The following TTC39C variants were observed in gnomAD, a reference collection of about 807,000 sequenced individuals.
TTC39C encodes the protein tetratricopeptide repeat protein 39C.
In TTC39C, 33 loss-of-function variants were observed where a neutral mutation model predicts 76.3. That is an observed-to-expected ratio of 0.43 (90% CI 0.33 to 0.58). The LOEUF is 0.58. TTC39C is among the 20% of genes least tolerant of loss of function. The pLI is 0.04. For missense variants in TTC39C, 595 were observed against 701.4 expected (o/e 0.85, Z 1.71); for synonymous variants, 254 against 260.6 (o/e 0.97, Z 0.24).
At chr18:24,087,582 G>GTTTTTTTTTTTTTTTTTT (rs142766325) in intron 6 of TTC39C, among the ~76,000 whole-genome samples, 2 of 124,142 alleles carry the variant, frequency 1.6e-5, no homozygotes, top group African/African-American at 2.7e-5. Flanking sequence ...TTTGAGAACT[G>GTTTTTTTTTTTTTTTTTT]TTTTTTTTTT....
chr18:23,998,085 T>C (rs1255593801), intron 1 of TTC39C, among the ~76,000 whole-genome samples: 2 of 152,148 alleles, frequency 1.3e-5, no homozygotes, highest in Non-Finnish European at 2.9e-5. Flanking sequence ...CACTAATTAG[T>C]GCTAGGCTTT....
intron 6 of TTC39C, among the ~76,000 whole-genome samples, chr18:24,099,031 GTGTGTATA>G (rs1489008045): frequency 2.7e-5 from 4 of 146,686 alleles, no homozygotes; most frequent in Non-Finnish European, 6.0e-5. Context: ...GTGTGTGTGT[GTGTGTATA>G]TATATATCTA....
chr18:24,064,685 G>A (rs566747598), intron 2 of TTC39C, among the ~76,000 whole-genome samples: 259 of 152,174 alleles, frequency 1.7e-3, no homozygotes, highest in African/African-American at 6.0e-3. Flanking sequence ...TCGATTTTTC[G>A]GAAATAGTAA....
At chr18:24,039,644 T>G (rs1353532428) in intron 1 of TTC39C, among the ~76,000 whole-genome samples, 1 of 152,228 alleles carries the variant, frequency 6.6e-6, no homozygotes, top group Non-Finnish European at 1.5e-5. Context: ...ATTGGTGGTT[T>G]TTAAGCAGAG....
At chr18:24,056,763 A>G (rs2084021456) in intron 1 of TTC39C, among the ~76,000 whole-genome samples, 1 of 152,208 alleles carries the variant, frequency 6.6e-6, no homozygotes, top group Non-Finnish European at 1.5e-5. Flanking sequence ...CATTTTAAAA[A>G]AGCAAATGCA....
intron 6 of TTC39C, among the ~76,000 whole-genome samples, chr18:24,099,004 A>AGT (rs1229315087): frequency 8.8e-4 from 41 of 46,338 alleles, no homozygotes; most frequent in Non-Finnish European, 1.8e-3. Flanking sequence ...AAGTTAGAGG[A>AGT]ATGTGTGTGT....
intron 12 of TTC39C, among the ~76,000 whole-genome samples, chr18:24,131,494 C>T (rs990948903): frequency 3.3e-5 from 5 of 151,972 alleles, no homozygotes; most frequent in Admixed American, 6.6e-5. Flanking sequence ...GGGTGGATCG[C>T]TTGAGGTTTG....
chr18:24,016,203 A>AT (rs201609598), intron 1 of TTC39C, among the ~76,000 whole-genome samples: 35 of 152,100 alleles, frequency 2.3e-4, no homozygotes, highest in Admixed American at 6.5e-4. Context: ...TAAATCGGTG[A>AT]TTTTTTCCCC....
rs549463136 is a variant in TTC39C, at chr18:24,005,154, C to A, written c.-17+12116C>A. On this transcript the variant is annotated intron_variant, in intron 1 of 13. Transcript: ENST00000304621. ...ACTGAACCACTGTGGGCAATGAGAT[C>A]TATGTTTAAACCTCACTGTAACCAT... 3.5e-4 allele frequency among the ~76,000 whole-genome samples: 54 copies of A among 152,298 alleles called. 1 individual carries two copies. Among genetic ancestry groups the A allele is most frequent in the African/African-American group, 1.3e-3 (52 of 41,556 alleles).
At chr18:24,104,646 C>G (rs1254918186) in intron 6 of TTC39C, among the ~76,000 whole-genome samples, 1 of 151,738 alleles carries the variant, frequency 6.6e-6, no homozygotes, top group African/African-American at 2.4e-5. Context: ...TGCTTTATCT[C>G]AAATGCCTAG....
In TTC39C at chr18:24,111,430, G is replaced by A. The variant is rs1221810920; in HGVS notation, c.985-3124G>A. Among the ~76,000 whole-genome samples the A allele has an allele frequency of 3.3e-5, 5 of 151,968 alleles. No individual in the cohort carries two copies. In the South Asian group the frequency reaches 6.3e-4, roughly 19 times the overall value. ...CTAAAAATATAAAAATTAGCCAGGC[G>A]CAGTGGCACATGCCTGTAGTCCCAG... On this transcript the variant is annotated intron_variant, in intron 6 of 13. Transcript: ENST00000317571.
At chr18:24,097,350 T>C (rs1164885392) in intron 6 of TTC39C, among the ~76,000 whole-genome samples, 1 of 152,244 alleles carries the variant, frequency 6.6e-6, no homozygotes, top group Non-Finnish European at 1.5e-5. Context: ...GTGCTTTGTC[T>C]TCAGGATTGT....
intron 6 of TTC39C, among the ~76,000 whole-genome samples, chr18:24,106,281 C>G (rs1421235687): frequency 6.6e-6 from 1 of 152,158 alleles, no homozygotes; most frequent in Admixed American, 6.5e-5. Context: ...CATTGGTGCC[C>G]TAGCTGCCTC....
rs1471015805 is a variant in TTC39C, at chr18:24,125,487, G to A, written c.1357G>A (p.Val453Met). ...GCTCTGTGTGTTGGCGTCTATTGAA[G>A]TGTTGTACTTGTGGAAAGCTCTTCC... ...KALCVLASIE[V>M]LYLWKALPNC... The change falls in exon 10 of 14, where the codon GTG becomes ATG. Residue 453 changes from valine to methionine, a missense_variant. Transcript: ENST00000317571. The A allele has an allele frequency of 2.5e-6, 4 of 1,614,168 alleles. No individual in the cohort carries two copies. Among genetic ancestry groups the A allele is most frequent in the Non-Finnish European group, 3.4e-6 (4 of 1,180,038 alleles).
intron 1 of TTC39C, among the ~76,000 whole-genome samples, chr18:23,997,417 C>T (rs1329431645): frequency 2.0e-5 from 3 of 151,220 alleles, no homozygotes; most frequent in African/African-American, 4.9e-5. Context: ...CGGGCGTGGT[C>T]GTGGGCGCCT....
chr18:24,109,769 C>G (rs1483639698), intron 6 of TTC39C, among the ~76,000 whole-genome samples: 1 of 152,056 alleles, frequency 6.6e-6, no homozygotes, highest in Non-Finnish European at 1.5e-5. Context: ...CTTTGGGAGG[C>G]TGAGGGAGGC....
chr18:24,127,105 C>T (rs1046235021), intron 10 of TTC39C, among the ~76,000 whole-genome samples: 27 of 152,108 alleles, frequency 1.8e-4, no homozygotes, highest in African/African-American at 6.3e-4. Context: ...AGATATGTGC[C>T]TGGAAGGGAA....
At chr18:24,119,155 G>C (rs1171705818) in intron 8 of TTC39C, among the ~76,000 whole-genome samples, 1 of 152,176 alleles carries the variant, frequency 6.6e-6, no homozygotes, top group African/African-American at 2.4e-5. Flanking sequence ...TGTATGAGGA[G>C]ATAGAGATGT....
intron 11 of TTC39C, 71 bp from the exon 12 acceptor site, chr18:24,130,242 T>G: frequency 2.8e-6 from 2 of 712,544 alleles, no homozygotes; most frequent in East Asian, 3.9e-5. Context: ...CCGCCCCCTC[T>G]TGAAGATTAT....
Sources: gnomAD v4.1 joint callset for allele counts (sites outside exome capture counted in the v4.1 genomes callset) on GRCh38, gnomAD v4.1.1 for gene constraint, MANE v1.5 for transcripts, NCBI Gene and HGNC (gene_info 2026-07-23, HGNC 2026-07-21) for gene names.